Variants in PEX11G observed in about 807,000 individuals in gnomAD.
PEX11G encodes peroxisomal biogenesis factor 11 gamma, also known as peroxisomal membrane protein 11C.
Under a neutral mutation model 22.5 loss-of-function variants are expected in PEX11G, and 20 were observed. The ratio of observed to expected loss-of-function variants is 0.89; its 90% CI spans 0.62 to 1.29. The LOEUF (loss-of-function observed/expected upper bound fraction) is 1.29. Among genes scored for constraint, PEX11G ranks in the 50% most tolerant of loss-of-function variants. PEX11G has a pLI of 0.00. For missense variants in PEX11G, 347 were observed against 331.3 expected (o/e 1.05, Z -0.37); for synonymous variants, 141 against 154.5 (o/e 0.91, Z 0.65).
Position 7,485,827 on chromosome 19 carries a change from A to G in PEX11G, c.249+11T>C. On this transcript the variant is annotated intron_variant, in intron 2 of 4. Coordinates refer to ENST00000221480, the MANE Select transcript of PEX11G (RefSeq NM_080662.4). The stretch of plus-strand genomic sequence containing the variant: ...GCACCCTACTCCCTAGAGCCCCACA[A>G]ACCCTGTTACCTGTGCCCCCAGGCC... The G allele has an allele frequency of 6.3e-7, 1 of 1,584,912 alleles. No individual in the cohort carries two copies. The highest frequency in any genetic ancestry group is 8.6e-7 in the Non-Finnish European group (1 of 1,157,094).
At chr19:7,482,257 T>C in intron 2 of PEX11G, 46 bp from the exon 3 acceptor site, 4 of 1,505,596 alleles carry the variant, frequency 2.7e-6, no homozygotes, top group Non-Finnish European at 3.6e-6. Flanking sequence ...ACTTACCCAC[T>C]GCCCATTTTA....
At chr19:7,481,183 G>A (rs1417387539) in intron 3 of PEX11G, among the ~76,000 whole-genome samples, 2 of 152,042 alleles carry the variant, frequency 1.3e-5, no homozygotes, top group African/African-American at 4.8e-5. Flanking sequence ...AGGATATTTT[G>A]CCGATGGGAT....
chr19:7,489,005 C>T lies in PEX11G; in HGVS notation c.6G>A (p.Ala2=), dbSNP rs2021799933. Residue 2 remains alanine (A), a synonymous_variant, in exon 1 of 5, where the codon GCG becomes GCA. Transcript: ENST00000221480. The stretch of plus-strand genomic sequence containing the variant: ...GCGCCGACGCCAGGCCGCTCAGCGA[C>T]GCCATGGCAACTCCGTGACGTCACC... M[A]SLSGLASALE... 1.3e-6 allele frequency: 2 copies of T among 1,539,512 alleles called. No individual in the cohort carries two copies. Among genetic ancestry groups the T allele is most frequent in the Admixed American group, 2.0e-5 (1 of 51,164 alleles).
chr19:7,485,157 TAA>T (rs149433025), intron 2 of PEX11G, among the ~76,000 whole-genome samples: 1 of 150,708 alleles, frequency 6.6e-6, no homozygotes, highest in Admixed American at 6.6e-5. Flanking sequence ...ACCCTGTCTA[TAA>T]AAAAAATTTT....
chr19:7,486,136 CTT>C (rs143738237), intron 1 of PEX11G, 110 bp from the exon 2 acceptor site: 19 of 858,610 alleles, frequency 2.2e-5, no homozygotes, highest in South Asian at 9.0e-5. Context: ...GGAAGATTCT[CTT>C]TTTTTTTTGA....
intron 2 of PEX11G, among the ~76,000 whole-genome samples, chr19:7,483,600 C>G (rs1977608279): frequency 6.6e-6 from 1 of 152,200 alleles, no homozygotes; most frequent in Admixed American, 6.5e-5. Flanking sequence ...GAGCGCTGTC[C>G]TAATCAGACA....
chr19:7,483,337 GA>G (rs1435175444), intron 2 of PEX11G: 1 of 152,052 alleles, frequency 6.6e-6, no homozygotes, highest in African/African-American at 2.4e-5. Flanking sequence ...CCACCTCCCT[GA>G]GGATGGCGGA....
At chr19:7,486,206 A>G (rs1381143751) in intron 1 of PEX11G, among the ~76,000 whole-genome samples, 180 bp from the exon 2 acceptor site, 2 of 152,008 alleles carry the variant, frequency 1.3e-5, no homozygotes, top group South Asian at 2.1e-4. Flanking sequence ...GGCTCACCGC[A>G]GCCTCCATCT....
intron 3 of PEX11G, among the ~76,000 whole-genome samples, chr19:7,481,763 C>T (rs183191168): frequency 6.6e-6 from 1 of 151,742 alleles, no homozygotes; most frequent in East Asian, 2.0e-4. Context: ...TGACACTAGC[C>T]CAGGGAGTGT....
At chr19:7,478,199 C>T in intron 4 of PEX11G, 115 bp downstream of exon 4, 1 of 1,148,552 alleles carries the variant, frequency 8.7e-7, no homozygotes, top group Non-Finnish European at 1.2e-6. Context: ...ATGACTCCCC[C>T]ATGACCTGAG....
intron 2 of PEX11G, 35 bp from the exon 3 acceptor site, chr19:7,482,246 G>C (rs1429714871): frequency 1.3e-6 from 2 of 1,521,218 alleles, no homozygotes; most frequent in Admixed American, 4.3e-5. Context: ...CCTAGGGTCA[G>C]ACTTACCCAC....
In PEX11G at chr19:7,488,932, C is replaced by G. The variant is rs754097906; in HGVS notation, c.60+19G>C. The stretch of plus-strand genomic sequence containing the variant: ...GGCCAAACTCTAGGACCTCCGGCCC[C>G]GGTCCGCCCCTGCCTCACCAGGCGG... On this transcript the variant is annotated intron_variant, in intron 1 of 4. Transcript: ENST00000221480. The G allele has an allele frequency of 1.0e-5, 16 of 1,548,928 alleles. 1 individual carries two copies. In the South Asian group the frequency reaches 1.5e-4, roughly 15 times the overall value.
At chr19:7,494,712 G>C (rs1408056090) in intron 1 of PEX11G, among the ~76,000 whole-genome samples, 7 of 152,310 alleles carry the variant, frequency 4.6e-5, no homozygotes, top group African/African-American at 1.7e-4. Context: ...CTAGGAGCTG[G>C]CCTGGCAGTC....
chr19:7,486,055 G>T, intron 1 of PEX11G, 29 bp from the exon 2 acceptor site: 1 of 1,560,388 alleles, frequency 6.4e-7, no homozygotes, highest in Non-Finnish European at 8.7e-7. Context: ...AGTCAGTGTG[G>T]CCCTCCTGTT....
At chr19:7,491,558 C>CA (rs1375862962), upstream of PEX11G, among the ~76,000 whole-genome samples, 1 of 149,692 alleles carries the variant, frequency 6.7e-6, no homozygotes, top group Non-Finnish European at 1.5e-5. Context: ...CATGAGCCAC[C>CA]ATGCCCGACC....
chr19:7,489,057 G>T (rs1046821152), upstream of PEX11G: 3 of 1,464,180 alleles, frequency 2.0e-6, no homozygotes, highest in African/African-American at 3.0e-5. Context: ...GCGCCAGGGG[G>T]CGGGGCCAGG....
In PEX11G at chr19:7,482,126, G is replaced by A. The variant is rs762244896; in HGVS notation, c.335C>T (p.Ala112Val). ...CACGTGGAGGACCCGGGCATCAGCC[G>A]CCCAGGCCACGTGCTCACAGGGGTA... ...LYYPCEHVAW[A>V]ADARVLHVDS... The change falls in exon 3 of 5, where the codon GCG becomes GTG. Residue 112 changes from alanine to valine, a missense_variant. Coordinates refer to ENST00000221480, the MANE Select transcript of PEX11G (RefSeq NM_080662.4). The A allele has an allele frequency of 2.3e-5, 37 of 1,598,300 alleles. No homozygotes were observed. Among genetic ancestry groups the A allele is most frequent in the Non-Finnish European group, 2.3e-5 (27 of 1,173,122 alleles).
At chr19:7,480,228 A>G (rs1300891293) in intron 3 of PEX11G, among the ~76,000 whole-genome samples, 2 of 151,476 alleles carry the variant, frequency 1.3e-5, no homozygotes, top group Non-Finnish European at 2.9e-5. Context: ...AGATTGAGCC[A>G]CTGCTTTTCA....
At chr19:7,486,074 C>T in intron 1 of PEX11G, 48 bp from the exon 2 acceptor site, 1 of 1,513,756 alleles carries the variant, frequency 6.6e-7, no homozygotes, top group African/African-American at 1.4e-5. Context: ...TTCTGCAGAA[C>T]TGAGCTGCAT....
Sources: allele counts gnomAD v4.1 joint callset (sites outside exome capture counted in the v4.1 genomes callset), GRCh38; gene constraint gnomAD v4.1.1; transcripts MANE v1.5; gene names NCBI Gene and HGNC (gene_info 2026-07-23, HGNC 2026-07-21).